The following LIN7A variants were observed in gnomAD, a reference collection of about 807,000 sequenced individuals.
LIN7A encodes the protein lin-7 cell polarity scaffold A.
In LIN7A, 25 loss-of-function variants were observed where a neutral mutation model predicts 29.8. The ratio of observed to expected loss-of-function variants is 0.84; its 90% confidence interval spans 0.61 to 1.17. The LOEUF (loss-of-function observed/expected upper bound fraction) is 1.17. Ranked by LOEUF, LIN7A falls within the 50% of genes most tolerant of loss-of-function variation. The pLI is 0.00. For missense variants in LIN7A, 239 were observed against 287.0 expected, an observed-to-expected ratio of 0.83 and a Z score of 1.21; for synonymous variants, 118 against 107.5, an observed-to-expected ratio of 1.10 and a Z score of -0.60.
chr12:80,891,981 C>T (rs1875650291), intron 1 of LIN7A, among the ~76,000 whole-genome samples: 1 of 152,084 alleles, frequency 6.6e-6, no homozygotes, highest in African/African-American at 2.4e-5. Context: ...TGTTTAAGGC[C>T]ATATAAGGGC....
intron 1 of LIN7A, among the ~76,000 whole-genome samples, chr12:80,932,017 A>G (rs1877940572): frequency 6.6e-6 from 1 of 152,242 alleles, no homozygotes; most frequent in Non-Finnish European, 1.5e-5. Context: ...GAGCAAGAGA[A>G]GGGGCAAACC....
intron 5 of LIN7A, among the ~76,000 whole-genome samples, chr12:80,809,201 C>T (rs941052925): frequency 2.6e-5 from 4 of 152,188 alleles, no homozygotes; most frequent in Admixed American, 6.5e-5. Flanking sequence ...CTCCTGACCT[C>T]GTCATCCACC....
In LIN7A at chr12:80,889,946, C is replaced by T. The variant is rs530449739; in HGVS notation, c.83-577G>A. 4.6e-5 allele frequency among the ~76,000 whole-genome samples: 7 copies of T among 152,226 alleles called. No individual in the cohort carries two copies. In the South Asian group the frequency reaches 1.5e-3, roughly 32 times the overall value. On this transcript the variant is annotated intron_variant, in intron 1 of 5. Transcript: ENST00000552864. ...CTGCCATTGCATTATTTCAGGCCCTCGTCATCTCCCCTCTGTCCAATTGGA... is the reference window on the plus strand; with the variant it reads ...CTGCCATTGCATTATTTCAGGCCCTTGTCATCTCCCCTCTGTCCAATTGGA...
rs1445973498 is a variant in LIN7A at position 80,794,195 on chromosome 12, G to A, written c.*3532C>T. ...TGTTTTTTGTCTATTCACTGATTCA[G>A]CCACTTATTCATCCAACAAATACCG... On this transcript the variant is annotated 3_prime_UTR_variant, in exon 6 of 6. Transcript: ENST00000552864. 6.6e-6 allele frequency: 1 copy of A among 152,106 alleles called. No individual in the cohort carries two copies. Among genetic ancestry groups the A allele is most frequent in the Non-Finnish European group, 1.5e-5 (1 of 68,000 alleles). 9.4% of individuals were successfully genotyped at this position (152,106 alleles called of 1,614,324 possible).
At chr12:80,936,927 G>A (rs968136293) in intron 1 of LIN7A, 2 of 152,206 alleles carry the variant, frequency 1.3e-5, no homozygotes, top group African/African-American at 2.4e-5. Context: ...GAAGCCGAGA[G>A]TTGCTATCGA....
At chr12:80,845,262 G>T (rs1328171473) in intron 4 of LIN7A, among the ~76,000 whole-genome samples, 2 of 150,006 alleles carry the variant, frequency 1.3e-5, no homozygotes, top group Non-Finnish European at 1.5e-5. Context: ...AAAAAATTTT[G>T]AGTGCATTAG....
rs149471643 is a variant in LIN7A, at chr12:80,835,257, C to T, written c.483+10473G>A. Among the ~76,000 whole-genome samples, 1,518 of 152,224 alleles carry T rather than the reference C, an allele frequency of 1.0e-2. 22 individuals are homozygous for T. The highest frequency in any genetic ancestry group is 0.034 in the African/African-American group (1,410 of 41,540). ...TGAAAGGCTGTTTAATAATAATATA[C>T]AGCAACAATGCTGTGTAATTGTGGA... On this transcript the variant is annotated intron_variant, in intron 4 of 5. Transcript: ENST00000552864.
At chr12:80,878,470 C>G (rs753631385) in intron 2 of LIN7A, among the ~76,000 whole-genome samples, 1 of 152,070 alleles carries the variant, frequency 6.6e-6, no homozygotes, top group Non-Finnish European at 1.5e-5. Flanking sequence ...TTTGTGGTCT[C>G]GCTGACTTCA....
At chr12:80,860,739 G>A (rs980873646) in intron 2 of LIN7A, among the ~76,000 whole-genome samples, 1 of 152,230 alleles carries the variant, frequency 6.6e-6, no homozygotes, top group Non-Finnish European at 1.5e-5. Context: ...GTTCATGCCT[G>A]TTGCAGATAC....
intron 2 of LIN7A, among the ~76,000 whole-genome samples, chr12:80,870,583 C>T (rs1720968256): frequency 6.6e-6 from 1 of 152,108 alleles, no homozygotes; most frequent in South Asian, 2.1e-4. Context: ...AATAAATGTT[C>T]CAAAGATACA....
chr12:80,847,458 C>T (rs748947833), intron 3 of LIN7A, among the ~76,000 whole-genome samples: 17 of 151,948 alleles, frequency 1.1e-4, no homozygotes, highest in African/African-American at 2.4e-4. Flanking sequence ...ACTAAACAAG[C>T]GTTGATGTAA....
At chr12:80,807,077 T>G (rs199794744) in intron 5 of LIN7A, among the ~76,000 whole-genome samples, 7,200 of 115,498 alleles carry the variant, frequency 0.062, 897 homozygotes, top group South Asian at 0.26. Context: ...TTTTTTTTTT[T>G]TTTTTTTTTT....
chr12:80,935,167 T>C (rs1331300696), intron 1 of LIN7A, among the ~76,000 whole-genome samples: 2 of 152,226 alleles, frequency 1.3e-5, no homozygotes, highest in African/African-American at 4.8e-5. Context: ...TAGCAGACAC[T>C]GAGAATTCAA....
chr12:80,813,956 A>C (rs2121514268), intron 4 of LIN7A, among the ~76,000 whole-genome samples: 1 of 152,246 alleles, frequency 6.6e-6, no homozygotes, highest in East Asian at 1.9e-4. Flanking sequence ...CACACTGAAG[A>C]GGCAGAGAAG....
At chr12:80,920,026 A>G (rs1877224126) in intron 1 of LIN7A, among the ~76,000 whole-genome samples, 1 of 152,216 alleles carries the variant, frequency 6.6e-6, no homozygotes, top group Non-Finnish European at 1.5e-5. Flanking sequence ...TTGAAAGTCA[A>G]TATAAAATAC....
intron 1 of LIN7A, among the ~76,000 whole-genome samples, chr12:80,898,705 T>C (rs1355302036): frequency 6.6e-6 from 1 of 152,192 alleles, no homozygotes. Flanking sequence ...TTTGCCTCCC[T>C]AGTTAGCTGT....
intron 1 of LIN7A, among the ~76,000 whole-genome samples, chr12:80,931,074 C>T (rs566041773): frequency 5.3e-4 from 81 of 152,274 alleles, no homozygotes; most frequent in African/African-American, 1.8e-3. Context: ...GTGCATATAA[C>T]ACCATCTCTA....
chr12:80,913,747 C>G (rs1268509945), intron 1 of LIN7A, among the ~76,000 whole-genome samples: 1 of 152,194 alleles, frequency 6.6e-6, no homozygotes, highest in Non-Finnish European at 1.5e-5. Context: ...ATAAAACATA[C>G]TTACTTTCAA....
chr12:80,856,876 C>T (rs547558024), intron 2 of LIN7A, among the ~76,000 whole-genome samples: 36 of 152,262 alleles, frequency 2.4e-4, no homozygotes, highest in African/African-American at 6.3e-4. Flanking sequence ...CTGAATTTGA[C>T]GATTGAAAAC....
Sources: gnomAD v4.1 joint callset for allele counts (sites outside exome capture counted in the v4.1 genomes callset) on GRCh38, gnomAD v4.1.1 for gene constraint, MANE v1.5 for transcripts, NCBI Gene and HGNC (gene_info 2026-07-23, HGNC 2026-07-21) for gene names.